KATNIP: variants seen among roughly 807,000 people sequenced by gnomAD.
The protein encoded by KATNIP is katanin interacting protein, also known as katanin-interacting protein.
A neutral mutation model predicts 174.0 loss-of-function variants in KATNIP; 126 were observed. That is an observed-to-expected ratio of 0.72 (90% CI 0.63 to 0.84). The LOEUF (loss-of-function observed/expected upper bound fraction) is 0.84. Ranked by LOEUF, KATNIP falls within the 40% of genes least tolerant of loss-of-function variation. The pLI, the probability that KATNIP is intolerant of heterozygous loss-of-function variation, is 0.00. For synonymous variants in KATNIP, 810 were observed against 835.7 expected (o/e 0.97, Z 0.53); for missense variants, 1,958 against 2,109.7 (o/e 0.93, Z 1.41).
At chr16:27,689,111 A>G (rs2078625946) in intron 8 of KATNIP, among the ~76,000 whole-genome samples, 1 of 152,262 alleles carries the variant, frequency 6.6e-6, no homozygotes, top group Admixed American at 6.5e-5. Flanking sequence ...TATCCATTTC[A>G]TATAAAAATG....
At chr16:27,665,314 G>C (rs1001001350) in intron 6 of KATNIP, among the ~76,000 whole-genome samples, 3 of 151,434 alleles carry the variant, frequency 2.0e-5, no homozygotes, top group African/African-American at 7.3e-5. Context: ...CATGTTGGCC[G>C]TGCTAGTCTC....
At chr16:27,592,911 C>T (rs934452019) in intron 2 of KATNIP, among the ~76,000 whole-genome samples, 6 of 152,004 alleles carry the variant, frequency 3.9e-5, no homozygotes, top group African/African-American at 1.2e-4. Context: ...TTACTCAGGA[C>T]GTGGTTAAAA....
intron 1 of KATNIP, among the ~76,000 whole-genome samples, chr16:27,557,799 A>G (rs2141563467): frequency 6.6e-6 from 1 of 152,322 alleles, no homozygotes; most frequent in South Asian, 2.1e-4. Context: ...TATTTGGCTC[A>G]TAATGTTTTG....
chr16:27,574,409 A>G (rs1475411140), intron 2 of KATNIP: 1 of 187,328 alleles, frequency 5.3e-6, no homozygotes, highest in Non-Finnish European at 1.1e-5. Flanking sequence ...TCACCTCTTA[A>G]TGGTATACAT....
intron 11 of KATNIP, among the ~76,000 whole-genome samples, chr16:27,703,609 C>T (rs962279528): frequency 1.3e-5 from 2 of 152,230 alleles, no homozygotes; most frequent in Non-Finnish European, 2.9e-5. Context: ...GGCCTTAGTT[C>T]AGCTGACCTC....
chr16:27,675,548 G>T (rs2078082839), intron 6 of KATNIP, among the ~76,000 whole-genome samples: 1 of 152,172 alleles, frequency 6.6e-6, no homozygotes, highest in Admixed American at 6.5e-5. Flanking sequence ...AATTATCTGT[G>T]GTTCGGGGCT....
At chr16:27,577,083 A>G (rs139416453) in intron 2 of KATNIP, among the ~76,000 whole-genome samples, 2 of 152,364 alleles carry the variant, frequency 1.3e-5, no homozygotes, top group Admixed American at 6.5e-5. Flanking sequence ...AATTCAGCCC[A>G]AAGATATGTT....
chr16:27,622,671 A>G (rs1426480110), intron 3 of KATNIP, among the ~76,000 whole-genome samples: 2 of 152,216 alleles, frequency 1.3e-5, no homozygotes, highest in African/African-American at 2.4e-5. Flanking sequence ...GGAAACTTAC[A>G]GGAAAACTTG....
Position 27,776,723 on chromosome 16 carries a change from C to A in KATNIP, c.4450-205C>A. On this transcript the variant is annotated intron_variant, in intron 24 of 27. Transcript: ENST00000261588. This position sits in a 1 kb window ranked among gnomAD's most constrained non-coding sequence, Gnocchi z 4.7. ...ACAGGCCCTCCAAAAGCCAGCTCAG[C>A]GGTTTGTTGCAAATGCAGCCACACG... 1.9e-6 allele frequency: 1 copy of A among 535,356 alleles called. No individual in the cohort carries two copies. Among genetic ancestry groups the A allele is most frequent in the Non-Finnish European group, 3.3e-6 (1 of 300,206 alleles). 33.2% of individuals were successfully genotyped at this position (535,356 alleles called of 1,614,324 possible).
chr16:27,613,841 C>G (rs1335628884), intron 2 of KATNIP, among the ~76,000 whole-genome samples: 1 of 152,216 alleles, frequency 6.6e-6, no homozygotes, highest in South Asian at 2.1e-4. Context: ...AGGCAGGACT[C>G]AGGCCCAGGG....
rs556687403 is a variant in KATNIP, at chr16:27,616,887, T to TAAAAA, written c.64-1504_64-1500dup. Among the ~76,000 whole-genome samples, 21 of 31,428 alleles carry TAAAAA rather than the reference T, an allele frequency of 6.7e-4. 2 individuals carry two copies. In the Admixed American group the frequency reaches 8.3e-3, roughly 12 times the overall value. The allele number at this position is 31,428 out of a possible 152,430, so 20.6% of individuals were successfully genotyped here. A position where few individuals can be genotyped will look rare whatever the true frequency, so the allele number is the denominator to read the frequency against. On this transcript the variant is annotated intron_variant, in intron 2 of 27. Transcript: ENST00000261588. Reference sequence around the variant, plus strand: ...CAACATAGTGAGATGCCATCTCTACTAAAAAAAAAAAAAAAAAAAAAAAAA... The same window carrying TAAAAA: ...CAACATAGTGAGATGCCATCTCTACTAAAAAAAAAAAAAAAAAAAAAAAAAAAAAA...
intron 14 of KATNIP, among the ~76,000 whole-genome samples, chr16:27,734,590 G>A (rs548668703): frequency 4.6e-5 from 7 of 152,160 alleles, no homozygotes; most frequent in South Asian, 4.2e-4. Context: ...CCAGCTACTC[G>A]GGAGGCTGAG....
At chr16:27,694,999 CCGTCT>C (rs1458331894) in intron 8 of KATNIP, among the ~76,000 whole-genome samples, 1 of 152,148 alleles carries the variant, frequency 6.6e-6, no homozygotes, top group Non-Finnish European at 1.5e-5. Flanking sequence ...GAAAGCAACC[CCGTCT>C]TCTACTTCAA....
chr16:27,552,582 G>A (rs1266067407), intron 1 of KATNIP, among the ~76,000 whole-genome samples: 2 of 150,982 alleles, frequency 1.3e-5, no homozygotes, highest in Non-Finnish European at 2.9e-5. Flanking sequence ...CCCCATGTTG[G>A]CCAGCTGGTC....
intron 15 of KATNIP, among the ~76,000 whole-genome samples, chr16:27,744,808 G>A (rs760647753): frequency 2.0e-5 from 3 of 150,978 alleles, no homozygotes; most frequent in Admixed American, 6.6e-5. Flanking sequence ...GCTTGAGCTC[G>A]GGAGGCTGAG....
intron 14 of KATNIP, among the ~76,000 whole-genome samples, chr16:27,724,780 T>G (rs1035134446): frequency 2.0e-5 from 3 of 152,208 alleles, no homozygotes; most frequent in Non-Finnish European, 4.4e-5. Flanking sequence ...AAATGAGAGT[T>G]TATAGGAAAT....
rs147885027 is a variant in KATNIP, at chr16:27,574,057, C to T, written c.63+101C>T. ...AGTGTCCCTAAATATACTCTTTTCT[C>T]TTGGGGTCCCAAGCTTGAATCCTGG... On this transcript the variant is annotated intron_variant, in intron 2 of 27. Coordinates refer to ENST00000261588, the MANE Select transcript of KATNIP (RefSeq NM_015202.5). The T allele has an allele frequency of 1.3e-3, 1,288 of 1,025,460 alleles. 1 individual carries two copies. The highest frequency in any genetic ancestry group is 2.3e-3 in the Admixed American group (112 of 49,294). The allele number at this position is 1,025,460 out of a possible 1,614,324, so 63.5% of individuals were successfully genotyped here. A position where few individuals can be genotyped will look rare whatever the true frequency, so the allele number is the denominator to read the frequency against.
At chr16:27,587,984 C>T (rs1046974745) in intron 2 of KATNIP, among the ~76,000 whole-genome samples, 29 of 149,548 alleles carry the variant, frequency 1.9e-4, no homozygotes, top group Admixed American at 6.7e-5. Flanking sequence ...GGCATGAACA[C>T]GGCTCAAGTG....
At chr16:27,671,792 G>A (rs916361925) in intron 6 of KATNIP, among the ~76,000 whole-genome samples, 2 of 152,076 alleles carry the variant, frequency 1.3e-5, no homozygotes, top group Non-Finnish European at 2.9e-5. Context: ...GCAGTGGCTC[G>A]CGCCTGTAAT....
Sources: allele counts gnomAD v4.1 joint callset (sites outside exome capture counted in the v4.1 genomes callset), GRCh38; gene constraint gnomAD v4.1.1; non-coding constraint Gnocchi (gnomAD v3.1); transcripts MANE v1.5; gene names NCBI Gene and HGNC (gene_info 2026-07-23, HGNC 2026-07-21).